SLC9C1: variants seen among roughly 807,000 people sequenced by gnomAD.
SLC9C1 encodes sodium/hydrogen exchanger 10.
A neutral mutation model predicts 140.9 loss-of-function variants in SLC9C1; 97 were observed. That is an observed-to-expected ratio of 0.69 (90% CI 0.58 to 0.82). The LOEUF is 0.82. SLC9C1 is among the 40% of genes least tolerant of loss of function. The probability of loss-of-function intolerance (pLI) is 0.00; values close to 1 mark genes in which losing one functional copy is unlikely to be tolerated. For synonymous variants in SLC9C1, 440 were observed against 442.6 expected (o/e 0.99, Z 0.07); for missense variants, 1,340 against 1,389.3 (o/e 0.96, Z 0.56).
chr3:112,166,241 G>A (rs1467061003), intron 26 of SLC9C1, among the ~76,000 whole-genome samples: 2 of 152,194 alleles, frequency 1.3e-5, no homozygotes, highest in South Asian at 2.1e-4. Context: ...GCCTTGCCCT[G>A]CTTCAGCTCA....
At chr3:112,232,426 AAGCT>A (rs2078853426) in intron 12 of SLC9C1, among the ~76,000 whole-genome samples, 1 of 152,214 alleles carries the variant, frequency 6.6e-6, no homozygotes, top group Non-Finnish European at 1.5e-5. Flanking sequence ...CAGGTATTGG[AAGCT>A]ACTAGAGAAA....
chr3:112,173,008 C>A (rs2077273554), intron 23 of SLC9C1, among the ~76,000 whole-genome samples: 1 of 151,908 alleles, frequency 6.6e-6, no homozygotes, highest in Non-Finnish European at 1.5e-5. Flanking sequence ...CTGTAATTTT[C>A]TTTTGCTGAA....
chr3:112,144,795 C>T (rs369096180), intron 28 of SLC9C1, among the ~76,000 whole-genome samples: 16 of 152,280 alleles, frequency 1.1e-4, no homozygotes, highest in African/African-American at 2.6e-4. Flanking sequence ...ATTGATTCTG[C>T]ATCCTGAAAC....
chr3:112,274,541 C>G (rs191331685), intron 6 of SLC9C1, among the ~76,000 whole-genome samples: 1 of 152,034 alleles, frequency 6.6e-6, no homozygotes, highest in Non-Finnish European at 1.5e-5. Flanking sequence ...GGAAGAGAAG[C>G]CGCCTCCTCT....
chr3:112,289,936 C>A (rs2080628948), intron 1 of SLC9C1, among the ~76,000 whole-genome samples: 1 of 152,110 alleles, frequency 6.6e-6, no homozygotes, highest in African/African-American at 2.4e-5. Flanking sequence ...TTGGTGCCCA[C>A]CCTCCAAGGT....
At chr3:112,231,597 C>A in intron 12 of SLC9C1, 111 bp from the exon 13 acceptor site, 1 of 1,024,650 alleles carries the variant, frequency 9.8e-7, no homozygotes, top group Admixed American at 2.6e-5. Context: ...GGTAGCAAAT[C>A]TGGTAGATAA....
chr3:112,153,307 A>G (rs1471885635), intron 27 of SLC9C1, among the ~76,000 whole-genome samples: 2 of 151,988 alleles, frequency 1.3e-5, no homozygotes, highest in Admixed American at 1.3e-4. Flanking sequence ...CATGAAAAAC[A>G]TTAGCTTTCC....
At chr3:112,213,689 G>A (rs1421165985) in intron 15 of SLC9C1, among the ~76,000 whole-genome samples, 1 of 152,158 alleles carries the variant, frequency 6.6e-6, no homozygotes. Context: ...CAATACAGGA[G>A]CACCCAGATT....
intron 26 of SLC9C1, among the ~76,000 whole-genome samples, chr3:112,165,546 G>C (rs896806408): frequency 1.3e-5 from 2 of 152,192 alleles, no homozygotes; most frequent in Admixed American, 6.5e-5. Context: ...TCCAGACCCT[G>C]TTTGCCTGGG....
intron 1 of SLC9C1, among the ~76,000 whole-genome samples, chr3:112,291,071 T>A (rs758457863): frequency 1.1e-4 from 17 of 152,180 alleles, no homozygotes; most frequent in Non-Finnish European, 2.4e-4. Context: ...ACATGTGGAT[T>A]TGATCTTGTC....
intron 25 of SLC9C1, 43 bp from the exon 26 acceptor site, chr3:112,167,390 C>T (rs199735784): frequency 1.4e-4 from 207 of 1,523,962 alleles, no homozygotes; most frequent in Non-Finnish European, 1.7e-4. Context: ...AGCAAATATC[C>T]TACAATTAAA....
intron 12 of SLC9C1, among the ~76,000 whole-genome samples, chr3:112,239,294 A>G (rs1440525269): frequency 6.6e-6 from 1 of 152,142 alleles, no homozygotes; most frequent in African/African-American, 2.4e-5. Context: ...GTTTGCTAAG[A>G]CCATTGGAAA....
chr3:112,162,918 G>C (rs2075351050), intron 26 of SLC9C1, among the ~76,000 whole-genome samples: 1 of 137,684 alleles, frequency 7.3e-6, no homozygotes, highest in African/African-American at 2.8e-5. Flanking sequence ...TTTTTGGTTG[G>C]TAAGCTATTG....
intron 6 of SLC9C1, among the ~76,000 whole-genome samples, chr3:112,271,254 C>G (rs764359325): frequency 1.8e-4 from 27 of 151,826 alleles, no homozygotes; most frequent in Non-Finnish European, 3.5e-4. Context: ...CAGATCTATT[C>G]CACAGCAAAG....
At chr3:112,207,158 T>C (rs1275326236) in intron 16 of SLC9C1, among the ~76,000 whole-genome samples, 1 of 152,156 alleles carries the variant, frequency 6.6e-6, no homozygotes, top group African/African-American at 2.4e-5. Flanking sequence ...TCAGTCTTTC[T>C]GCATATTTCA....
intron 10 of SLC9C1, among the ~76,000 whole-genome samples, chr3:112,256,500 C>T (rs1182919876): frequency 1.3e-5 from 2 of 151,884 alleles, no homozygotes; most frequent in Non-Finnish European, 2.9e-5. Flanking sequence ...GCAGAAAAGA[C>T]TGATAAAATT....
intron 28 of SLC9C1, 92 bp downstream of exon 28, chr3:112,151,765 T>C: frequency 1.1e-6 from 1 of 884,302 alleles, no homozygotes; most frequent in Admixed American, 2.1e-5. Context: ...TAATTCACAC[T>C]ATCACATAAA....
chr3:112,247,780 G>C (rs2079331717), intron 10 of SLC9C1, among the ~76,000 whole-genome samples: 2 of 151,834 alleles, frequency 1.3e-5, no homozygotes, highest in African/African-American at 4.8e-5. Context: ...TCAGAACTTT[G>C]TCAAGAATGA....
intron 1 of SLC9C1, among the ~76,000 whole-genome samples, chr3:112,290,222 A>G (rs1388059134): frequency 6.6e-6 from 1 of 152,198 alleles, no homozygotes; most frequent in Non-Finnish European, 1.5e-5. Context: ...TTTCTGTACC[A>G]CAGTTACACA....
Sources: allele counts gnomAD v4.1 joint callset (sites outside exome capture counted in the v4.1 genomes callset), GRCh38; gene constraint gnomAD v4.1.1; transcripts MANE v1.5; gene names NCBI Gene and HGNC (gene_info 2026-07-23, HGNC 2026-07-21).